ARID2: variants seen among roughly 807,000 people sequenced by gnomAD.
The protein encoded by ARID2 is AT-rich interactive domain-containing protein 2.
Under a neutral mutation model 184.6 loss-of-function variants are expected in ARID2, and 32 were observed. That is an observed-to-expected ratio of 0.17 (90% confidence interval 0.13 to 0.23). The LOEUF is 0.23. Ranked by LOEUF, ARID2 falls within the 10% of genes least tolerant of loss-of-function variation. ARID2 has a pLI of 1.00. For synonymous variants in ARID2, 836 were observed against 772.6 expected, an observed-to-expected ratio of 1.08 and a Z score of -1.36; for missense variants, 1,696 against 2,197.6, an observed-to-expected ratio of 0.77 and a Z score of 4.56.
In ARID2 at chr12:45,904,922, G is replaced by GT. The variant is rs747970557; in HGVS notation, c.5364-5dup. 5.0e-6 allele frequency: 8 copies of GT among 1,611,578 alleles called. No homozygotes were observed. Among genetic ancestry groups the GT allele is most frequent in the African/African-American group, 1.3e-5 (1 of 74,794 alleles). ...CTTGGAGACTGACAATCTTCTATAT[G>GT]TTTTTTTGCAGATTGTTAAAGAGAC... On this transcript the variant is annotated splice_polypyrimidine_tract_variant and intron_variant, in intron 20 of 20. Coordinates refer to ENST00000334344, the MANE Select transcript of ARID2 (RefSeq NM_152641.4).
chr12:45,778,306 G>A (rs1033410153), intron 3 of ARID2, among the ~76,000 whole-genome samples: 3 of 152,070 alleles, frequency 2.0e-5, no homozygotes, highest in South Asian at 2.1e-4. Context: ...GCAGAGTAGA[G>A]GTAACCTCTT....
At chr12:45,825,975 G>A (rs1040951854) in intron 6 of ARID2, among the ~76,000 whole-genome samples, 1 of 152,004 alleles carries the variant, frequency 6.6e-6, no homozygotes, top group African/African-American at 2.4e-5. Flanking sequence ...TACAGGCTTG[G>A]TTTCTAACGT....
At position 45,800,084 on chromosome 12, in the gene ARID2, A is replaced by C. The variant is rs544050786; in HGVS notation, c.285-11334A>C. Among the ~76,000 whole-genome samples, 3 of 152,312 alleles carry C rather than the reference A, an allele frequency of 2.0e-5. No individual in the cohort carries two copies. The South Asian group carries it at 6.2e-4, about 32-fold the overall frequency. On this transcript the variant is annotated intron_variant, in intron 3 of 20. Coordinates refer to ENST00000334344, the MANE Select transcript of ARID2 (RefSeq NM_152641.4). Reference sequence around the variant, plus strand: ...CAGGCAGTCTCGAACTCCTGGGATCATGCAGTTCACCCACCTCAGCTTCCC... The same window carrying C: ...CAGGCAGTCTCGAACTCCTGGGATCCTGCAGTTCACCCACCTCAGCTTCCC...
rs145811790 is a variant in ARID2 at position 45,832,414 on chromosome 12, G to A, written c.706-4175G>A. Among the ~76,000 whole-genome samples, 1,225 of 152,104 alleles carry A rather than the reference G, an allele frequency of 8.1e-3. 19 individuals are homozygous for A. Among genetic ancestry groups the A allele is most frequent in the South Asian group, 0.068 (326 of 4,818 alleles). On this transcript the variant is annotated intron_variant, in intron 6 of 20. Coordinates refer to ENST00000334344, the MANE Select transcript of ARID2 (RefSeq NM_152641.4). ...TTGGATCTGTGGTTTGGTATCTTAC[G>A]TAAAATTTGGAGAGTTTTTCACAAT...
At chr12:45,787,537 C>T (rs529560030) in intron 3 of ARID2, among the ~76,000 whole-genome samples, 37 of 151,862 alleles carry the variant, frequency 2.4e-4, no homozygotes, top group South Asian at 1.5e-3. Context: ...CCTGGACAGA[C>T]GTGTACATAT....
At chr12:45,793,219 G>A (rs1159726288) in intron 3 of ARID2, among the ~76,000 whole-genome samples, 1 of 151,920 alleles carries the variant, frequency 6.6e-6, no homozygotes, top group Non-Finnish European at 1.5e-5. Context: ...AGAACCGCTT[G>A]AACCCCGGAA....
intron 3 of ARID2, among the ~76,000 whole-genome samples, chr12:45,778,870 C>G (rs937551693): frequency 1.3e-5 from 2 of 151,798 alleles, no homozygotes; most frequent in Non-Finnish European, 2.9e-5. Flanking sequence ...AACTGTAAAT[C>G]CCATGTGAAC....
chr12:45,858,359 TAAA>T (rs1186343320), intron 15 of ARID2, among the ~76,000 whole-genome samples: 1 of 151,740 alleles, frequency 6.6e-6, no homozygotes, highest in East Asian at 1.9e-4. Context: ...AAACCCTATC[TAAA>T]AAAAAGAAAG....
chr12:45,860,310 A>T (rs538286555), intron 15 of ARID2, among the ~76,000 whole-genome samples: 1 of 152,368 alleles, frequency 6.6e-6, no homozygotes, highest in African/African-American at 2.4e-5. Flanking sequence ...ATCATATTTT[A>T]TACATATGGT....
intron 3 of ARID2, among the ~76,000 whole-genome samples, chr12:45,755,758 T>C (rs979424791): frequency 5.3e-5 from 8 of 152,196 alleles, no homozygotes; most frequent in African/African-American, 1.9e-4. Flanking sequence ...AACTCAGCAC[T>C]TCTCTCTGAA....
At chr12:45,742,501 A>T (rs1429778901) in intron 3 of ARID2, among the ~76,000 whole-genome samples, 1 of 152,226 alleles carries the variant, frequency 6.6e-6, no homozygotes, top group East Asian at 1.9e-4. Context: ...TATGTAAAAC[A>T]CGTAAGATTA....
At chr12:45,842,986 A>C (rs960988140) in intron 11 of ARID2, among the ~76,000 whole-genome samples, 4 of 152,142 alleles carry the variant, frequency 2.6e-5, no homozygotes, top group Admixed American at 2.6e-4. Context: ...ATGAAGATAG[A>C]ATTTACAGTT....
rs981523697 is a variant in ARID2, at chr12:45,906,134, TG to T, written c.*1057del. On this transcript the variant is annotated 3_prime_UTR_variant, in exon 21 of 21. Coordinates refer to ENST00000334344, the MANE Select transcript of ARID2 (RefSeq NM_152641.4). ...AGCTCAGAGCTTGGACAGAATTTTT[TG>T]TATTTGTAAATTGGTTTAAATACAT... is the stretch of plus-strand genomic sequence containing the variant. The T allele has an allele frequency of 4.3e-6, 1 of 232,732 alleles. No homozygotes were observed. Among genetic ancestry groups the T allele is most frequent in the Non-Finnish European group, 8.5e-6 (1 of 117,596 alleles). The allele number at this position is 232,732 out of a possible 1,614,324, so 14.4% of individuals were successfully genotyped here. A position where few individuals can be genotyped will look rare whatever the true frequency, so the allele number is the denominator to read the frequency against.
intron 16 of ARID2, among the ~76,000 whole-genome samples, chr12:45,874,630 C>G (rs923589894): frequency 6.6e-6 from 1 of 152,184 alleles, no homozygotes; most frequent in African/African-American, 2.4e-5. Flanking sequence ...GCCTTGAATC[C>G]TCAAAGTCAT....
At chr12:45,879,998 A>G (rs1022703563) in intron 16 of ARID2, among the ~76,000 whole-genome samples, 1 of 152,164 alleles carries the variant, frequency 6.6e-6, no homozygotes, top group Non-Finnish European at 1.5e-5. Flanking sequence ...TGTTCTTTGA[A>G]TAAGTGGTGT....
chr12:45,768,995 C>T (rs1941821549), intron 3 of ARID2, among the ~76,000 whole-genome samples: 1 of 152,124 alleles, frequency 6.6e-6, no homozygotes, highest in African/African-American at 2.4e-5. Context: ...AGGGGCTTCA[C>T]ACAGAGGGGA....
intron 3 of ARID2, among the ~76,000 whole-genome samples, chr12:45,807,120 T>A (rs1193644384): frequency 1.3e-5 from 2 of 152,176 alleles, no homozygotes; most frequent in Non-Finnish European, 2.9e-5. Context: ...GTTGGCCTTG[T>A]GAATCCTTGA....
At chr12:45,868,013 C>A (rs1943859422) in intron 16 of ARID2, among the ~76,000 whole-genome samples, 2 of 152,140 alleles carry the variant, frequency 1.3e-5, no homozygotes, top group Non-Finnish European at 2.9e-5. Flanking sequence ...TTCCCCAGCT[C>A]CTGTTTTAAT....
chr12:45,904,807 T>G lies in ARID2; in HGVS notation c.5364-127T>G, dbSNP rs1194197034. Reference sequence around the variant, plus strand: ...GCTTCCCTCTCTTCCTGCAATACTATATTAACATTTACGGGGTGTGGAGCT... The same window carrying G: ...GCTTCCCTCTCTTCCTGCAATACTAGATTAACATTTACGGGGTGTGGAGCT... On this transcript the variant is annotated intron_variant, in intron 20 of 20. Coordinates refer to ENST00000334344, the MANE Select transcript of ARID2 (RefSeq NM_152641.4). 3.5e-6 allele frequency: 3 copies of G among 865,042 alleles called. No individual in the cohort carries two copies. The Admixed American group carries it at 8.7e-5, about 25-fold the overall frequency. 53.6% of individuals were successfully genotyped at this position (865,042 alleles called of 1,614,324 possible).
Sources: gnomAD v4.1 joint callset for allele counts (sites outside exome capture counted in the v4.1 genomes callset) on GRCh38, gnomAD v4.1.1 for gene constraint, MANE v1.5 for transcripts, NCBI Gene and HGNC (gene_info 2026-07-23, HGNC 2026-07-21) for gene names.